Variants in PTTG1IP2 observed in about 807,000 individuals in gnomAD.
PTTG1IP2 encodes PTTG1IP family member 2.
chr7:90,473,122 A>T (rs541921437), intron 1 of PTTG1IP2, among the ~76,000 whole-genome samples: 164 of 152,370 alleles, frequency 1.1e-3, no homozygotes, highest in Non-Finnish European at 1.9e-3. Context: ...AGGAAGAAGT[A>T]TCTTAGCAAA....
At chr7:90,500,855 G>A (rs1299229443) in intron 6 of PTTG1IP2, among the ~76,000 whole-genome samples, 2 of 152,190 alleles carry the variant, frequency 1.3e-5, no homozygotes, top group Non-Finnish European at 2.9e-5. Flanking sequence ...AGGAATATCT[G>A]TGCAGCACAC....
chr7:90,482,758 A>T (rs17869211), intron 2 of PTTG1IP2, among the ~76,000 whole-genome samples: 6,014 of 151,972 alleles, frequency 0.04, 153 homozygotes, highest in African/African-American at 0.046. Flanking sequence ...AATGAGCATC[A>T]TAAGACTGTT....
At chr7:90,475,383 A>C (rs1374897404) in intron 1 of PTTG1IP2, among the ~76,000 whole-genome samples, 1 of 152,216 alleles carries the variant, frequency 6.6e-6, no homozygotes, top group Non-Finnish European at 1.5e-5. Flanking sequence ...CTCTCTCAAC[A>C]CTATAATTAG....
intron 6 of PTTG1IP2, among the ~76,000 whole-genome samples, chr7:90,505,776 A>C (rs1798116320): frequency 6.6e-6 from 1 of 151,728 alleles, no homozygotes; most frequent in Non-Finnish European, 1.5e-5. Flanking sequence ...TGAGGTCAGG[A>C]GATCGAGACC....
intron 3 of PTTG1IP2, among the ~76,000 whole-genome samples, chr7:90,488,304 T>TGTTTGCCTGATTTAA (rs1562986285): frequency 1.6e-5 from 2 of 128,794 alleles, no homozygotes; most frequent in Non-Finnish European, 3.5e-5. Flanking sequence ...AAGTTACACT[T>TGTTTGCCTGATTTAA]CTTGTAACTA....
At chr7:90,471,038 A>C (rs577386345) in intron 1 of PTTG1IP2, among the ~76,000 whole-genome samples, 1 of 152,288 alleles carries the variant, frequency 6.6e-6, no homozygotes, top group East Asian at 1.9e-4. Flanking sequence ...ATAATCTCCA[A>C]AGATGGAAGT....
rs1486492170 is a variant in PTTG1IP2 at position 90,479,231 on chromosome 7, G to A, written c.149G>A (p.Cys50Tyr). Residue 50 changes from cysteine (C) to tyrosine (Y), a missense_variant, in exon 2 of 7, where the codon TGT (cysteine) becomes TAT (tyrosine). Transcript: ENST00000509356. ...QKPRDGNEEE[C>Y]AVKKSCQLCT... ...ACTTAATTTTTTTTAATTGTAGAAT[G>A]TGCTGTAAAGAAGAGTTGTCAATTG... 6.6e-6 allele frequency: 1 copy of A among 152,544 alleles called. No individual in the cohort carries two copies. Among genetic ancestry groups the A allele is most frequent in the Non-Finnish European group, 1.5e-5 (1 of 67,996 alleles). The allele number at this position is 152,544 out of a possible 1,614,324, so 9.4% of individuals were successfully genotyped here. A position where few individuals can be genotyped will look rare whatever the true frequency, so the allele number is the denominator to read the frequency against.
chr7:90,492,907 A>G (rs527698372), intron 5 of PTTG1IP2, among the ~76,000 whole-genome samples: 1 of 152,198 alleles, frequency 6.6e-6, no homozygotes, highest in African/African-American at 2.4e-5. Flanking sequence ...CCTTACTTAC[A>G]AAGCTTTCCC....
In PTTG1IP2 at chr7:90,485,118, G is replaced by A. The variant is rs565475273; in HGVS notation, c.193-2209G>A. On this transcript the variant is annotated intron_variant, in intron 2 of 6. Coordinates refer to ENST00000509356, the MANE Select transcript of PTTG1IP2 (RefSeq NM_001365443.2). The stretch of plus-strand genomic sequence containing the variant: ...AGCCACAGGACCACACAGGGCTTGG[G>A]GAAGAGGTCCTCAGTAGAAAAGGGT... Among the ~76,000 whole-genome samples, 27 of 152,316 alleles carry A rather than the reference G, an allele frequency of 1.8e-4. 1 individual carries two copies. The South Asian group carries it at 5.0e-3, about 28-fold the overall frequency.
chr7:90,503,007 G>A (rs1378785630), intron 6 of PTTG1IP2, among the ~76,000 whole-genome samples: 1 of 152,162 alleles, frequency 6.6e-6, no homozygotes, highest in Non-Finnish European at 1.5e-5. Context: ...CAACAGAAGG[G>A]TGCTTTGTTT....
chr7:90,480,687 A>G (rs1797806235), intron 2 of PTTG1IP2, among the ~76,000 whole-genome samples: 1 of 152,220 alleles, frequency 6.6e-6, no homozygotes, highest in Non-Finnish European at 1.5e-5. Flanking sequence ...CCAGAAAATA[A>G]TAAATTTGTC....
At chr7:90,512,152 T>C (rs1315192983) in intron 6 of PTTG1IP2, among the ~76,000 whole-genome samples, 3 of 152,204 alleles carry the variant, frequency 2.0e-5, no homozygotes, top group Non-Finnish European at 4.4e-5. Context: ...ATGGAGCTGA[T>C]TAAATAAACA....
At chr7:90,492,459 G>A (rs1562987177) in intron 5 of PTTG1IP2, 150 bp downstream of exon 5, 1 of 152,226 alleles carries the variant, frequency 6.6e-6, no homozygotes, top group Non-Finnish European at 1.5e-5. Context: ...GCCAAGGTGG[G>A]AGGATTTGCT....
intron 1 of PTTG1IP2, among the ~76,000 whole-genome samples, chr7:90,473,887 T>C (rs1797717764): frequency 6.6e-6 from 1 of 152,212 alleles, no homozygotes; most frequent in East Asian, 1.9e-4. Context: ...AAGAATAAAA[T>C]AGTATCTTCT....
At chr7:90,478,096 CAAAA>C (rs370035849) in intron 1 of PTTG1IP2, among the ~76,000 whole-genome samples, 1 of 68,056 alleles carries the variant, frequency 1.5e-5, no homozygotes, top group Non-Finnish European at 3.2e-5. Context: ...GACTCCGTCT[CAAAA>C]AAAAAAAAAA....
chr7:90,502,889 A>G (rs1584700180), intron 6 of PTTG1IP2, among the ~76,000 whole-genome samples: 1 of 152,212 alleles, frequency 6.6e-6, no homozygotes, highest in Admixed American at 6.5e-5. Flanking sequence ...TAAAGTCATG[A>G]GTTCCATTAA....
At chr7:90,497,369 C>T (rs1798004843) in intron 6 of PTTG1IP2, among the ~76,000 whole-genome samples, 1 of 151,982 alleles carries the variant, frequency 6.6e-6, no homozygotes, top group Non-Finnish European at 1.5e-5. Context: ...TCGAGACCAT[C>T]CTGGCTAACA....
chr7:90,509,323 T>C (rs1798159082), intron 6 of PTTG1IP2, among the ~76,000 whole-genome samples: 1 of 151,968 alleles, frequency 6.6e-6, no homozygotes, highest in African/African-American at 2.4e-5. Context: ...CACTGGAAAC[T>C]GGGAAGAAGT....
chr7:90,507,737 G>A lies in PTTG1IP2; in HGVS notation c.*51-5541G>A, dbSNP rs186151666. Among the ~76,000 whole-genome samples, 39 of 152,218 alleles carry A rather than the reference G, an allele frequency of 2.6e-4. No homozygotes were observed. The East Asian group carries it at 7.3e-3, about 29-fold the overall frequency. On this transcript the variant is annotated intron_variant, in intron 6 of 6. Transcript: ENST00000509356. ...TATAAAAGGAAACAATGCTACAAAA[G>A]CTGTGTGAGATGTAATTTAAATACC...
Sources: gnomAD v4.1 joint callset for allele counts (sites outside exome capture counted in the v4.1 genomes callset) on GRCh38, gnomAD v4.1.1 for gene constraint, MANE v1.5 for transcripts, NCBI Gene and HGNC (gene_info 2026-07-23, HGNC 2026-07-21) for gene names.